Variants in COG5 observed in about 807,000 individuals in gnomAD.
COG5 encodes the protein component of oligomeric golgi complex 5, also known as conserved oligomeric Golgi complex subunit 5.
A neutral mutation model predicts 110.4 loss-of-function variants in COG5; 86 were observed. The observed-to-expected ratio is 0.78, with a 90% CI of 0.65 to 0.93. The LOEUF is 0.93. COG5 is among the 40% of genes least tolerant of loss of function. COG5 has a pLI of 0.00. For missense variants in COG5, 1,077 were observed against 987.0 expected (o/e 1.09, Z -1.22); for synonymous variants, 360 against 334.6 (o/e 1.08, Z -0.83).
At chr7:107,406,481 G>T (rs188456235) in intron 7 of COG5, among the ~76,000 whole-genome samples, 104 of 152,208 alleles carry the variant, frequency 6.8e-4, no homozygotes, top group African/African-American at 2.5e-3. Context: ...AAGTTTGTCA[G>T]TCTCTTAATT....
intron 12 of COG5, among the ~76,000 whole-genome samples, chr7:107,295,036 T>TACAC (rs1193241031): frequency 5.0e-5 from 3 of 60,562 alleles, no homozygotes; most frequent in Non-Finnish European, 1.1e-4. Context: ...TACACACACA[T>TACAC]ATACACACAC....
chr7:107,233,591 G>C (rs1034250315), intron 18 of COG5, among the ~76,000 whole-genome samples: 19 of 152,126 alleles, frequency 1.2e-4, no homozygotes, highest in African/African-American at 3.9e-4. Flanking sequence ...CCCAAACCTG[G>C]TCTATAGGTC....
chr7:107,512,100 C>T (rs971285311), intron 6 of COG5, among the ~76,000 whole-genome samples: 1 of 152,142 alleles, frequency 6.6e-6, no homozygotes, highest in Admixed American at 6.5e-5. Context: ...AATAGGAAGC[C>T]AAATTGTCCC....
At chr7:107,543,520 C>T (rs1802202822) in intron 5 of COG5, among the ~76,000 whole-genome samples, 1 of 152,170 alleles carries the variant, frequency 6.6e-6, no homozygotes, top group South Asian at 2.1e-4. Flanking sequence ...GACCAGCCCT[C>T]GGCTTCAGGC....
chr7:107,358,415 T>A (rs1812815201), intron 10 of COG5, among the ~76,000 whole-genome samples: 1 of 152,212 alleles, frequency 6.6e-6, no homozygotes. Flanking sequence ...TGAGTGACTA[T>A]ACACCTTGAC....
Position 107,363,886 on chromosome 7 carries a change from C to T in COG5, c.836-1466G>A, listed in dbSNP as rs559297017. ...AGGAGAATTGCTTGAACCCAGGAGGCGGAGGTTACAATGAGCCGAGATCGT... is the reference window on the plus strand; with the variant it reads ...AGGAGAATTGCTTGAACCCAGGAGGTGGAGGTTACAATGAGCCGAGATCGT... On this transcript the variant is annotated intron_variant, in intron 8 of 21. Transcript: ENST00000297135. Among the ~76,000 whole-genome samples, 127 of 150,556 alleles carry T rather than the reference C, an allele frequency of 8.4e-4. 4 individuals carry two copies. The South Asian group carries it at 0.023, about 27-fold the overall frequency.
At chr7:107,506,941 C>A (rs951559819) in intron 6 of COG5, among the ~76,000 whole-genome samples, 27 of 152,240 alleles carry the variant, frequency 1.8e-4, no homozygotes, top group African/African-American at 4.6e-4. Context: ...ATGAGATACA[C>A]TGTGAGGCAG....
chr7:107,429,435 C>T (rs769082973), intron 6 of COG5, among the ~76,000 whole-genome samples: 6 of 151,448 alleles, frequency 4.0e-5, no homozygotes, highest in African/African-American at 9.7e-5. Flanking sequence ...TCTGGAGAAA[C>T]GCCTATATTC....
chr7:107,473,913 A>G, intron 6 of COG5: 1 of 513,656 alleles, frequency 1.9e-6, no homozygotes, highest in East Asian at 3.0e-5. Flanking sequence ...TTCTATTAAT[A>G]GTTTACAAAC....
intron 11 of COG5, among the ~76,000 whole-genome samples, chr7:107,315,157 TC>T (rs1808618212): frequency 7.3e-6 from 1 of 137,784 alleles, no homozygotes; most frequent in Non-Finnish European, 1.6e-5. Flanking sequence ...ACTATTCTAA[TC>T]TTTTTTTTTT....
At chr7:107,539,343 GT>G (rs1405724995) in intron 5 of COG5, among the ~76,000 whole-genome samples, 1 of 152,170 alleles carries the variant, frequency 6.6e-6, no homozygotes, top group Non-Finnish European at 1.5e-5. Context: ...TAAAGTTGCA[GT>G]TTCCAAGAAC....
chr7:107,278,065 T>G (rs547374435), intron 14 of COG5, among the ~76,000 whole-genome samples: 1 of 152,230 alleles, frequency 6.6e-6, no homozygotes, highest in African/African-American at 2.4e-5. Flanking sequence ...GCCAAGAGAC[T>G]TCTATAACCA....
chr7:107,211,734 A>G (rs1318471143), intron 19 of COG5, among the ~76,000 whole-genome samples: 1 of 152,232 alleles, frequency 6.6e-6, no homozygotes, highest in Non-Finnish European at 1.5e-5. Flanking sequence ...TGAACACTCC[A>G]TCAAAAATTT....
At chr7:107,350,811 C>T (rs1812072191) in intron 10 of COG5, among the ~76,000 whole-genome samples, 1 of 152,108 alleles carries the variant, frequency 6.6e-6, no homozygotes, top group Non-Finnish European at 1.5e-5. Context: ...TGCTACATCC[C>T]CAAAGCACAG....
At chr7:107,247,046 T>C (rs1802111010) in intron 17 of COG5, among the ~76,000 whole-genome samples, 1 of 152,116 alleles carries the variant, frequency 6.6e-6, no homozygotes, top group African/African-American at 2.4e-5. Context: ...GCCATAAAAA[T>C]AACAAGATCA....
intron 6 of COG5, among the ~76,000 whole-genome samples, chr7:107,484,586 A>G (rs2129123263): frequency 6.6e-6 from 1 of 152,256 alleles, no homozygotes; most frequent in Middle Eastern, 3.4e-3. Context: ...TTCCACAACT[A>G]TATATTCCAC....
At position 107,298,184 on chromosome 7, in the gene COG5, T is replaced by C; in HGVS notation, c.1271A>G (p.Asp424Gly). ...TGGTATGAATATATCTTGTGCATCA[T>C]CTTCCATGTGTTGTAGGTCAACATA... ...DLYVDLQHME[D>G]DAQDIFIPKK... Residue 424 changes from aspartate (D) to glycine (G), a missense_variant, in exon 12 of 22, where the codon GAT becomes GGT. By Grantham distance (94) the Asp-to-Gly change is moderately conservative. Coordinates refer to ENST00000297135, the MANE Select transcript of COG5 (RefSeq NM_006348.5). 1 of 1,612,494 alleles carries C rather than the reference T, an allele frequency of 6.2e-7. No homozygotes were observed. The highest frequency in any genetic ancestry group is 8.5e-7 in the Non-Finnish European group (1 of 1,179,040).
At chr7:107,264,035 A>G (rs1004078859) in intron 14 of COG5, among the ~76,000 whole-genome samples, 10 of 152,222 alleles carry the variant, frequency 6.6e-5, no homozygotes, top group African/African-American at 2.4e-4. Context: ...ATGTCTAAAA[A>G]GAACAAAATA....
intron 19 of COG5, among the ~76,000 whole-genome samples, chr7:107,227,930 G>C (rs1453896301): frequency 6.6e-6 from 1 of 152,080 alleles, no homozygotes; most frequent in Non-Finnish European, 1.5e-5. Flanking sequence ...GGCTGAATTA[G>C]CATTATTTTA....
Sources: gnomAD v4.1 joint callset for allele counts (sites outside exome capture counted in the v4.1 genomes callset) on GRCh38, gnomAD v4.1.1 for gene constraint, MANE v1.5 for transcripts, NCBI Gene and HGNC (gene_info 2026-07-23, HGNC 2026-07-21) for gene names.